The following FSTL1 variants were observed in gnomAD, a reference collection of about 807,000 sequenced individuals.
FSTL1 encodes the protein follistatin-related protein 1.
In FSTL1, 24 loss-of-function variants were observed where a neutral mutation model predicts 45.9. That is an observed-to-expected ratio of 0.52 (90% CI 0.38 to 0.74). The LOEUF (loss-of-function observed/expected upper bound fraction) is 0.74, where lower values mean the gene tolerates loss of function less well. Ranked by LOEUF, FSTL1 falls within the 30% of genes least tolerant of loss-of-function variation. The pLI is 0.00. For missense variants in FSTL1, 340 were observed against 381.8 expected, an observed-to-expected ratio of 0.89 and a Z score of 0.91; for synonymous variants, 120 against 137.6, an observed-to-expected ratio of 0.87 and a Z score of 0.89.
At chr3:120,450,176 G>A (rs1371311381) in intron 2 of FSTL1, among the ~76,000 whole-genome samples, 1 of 152,154 alleles carries the variant, frequency 6.6e-6, no homozygotes, top group African/African-American at 2.4e-5. Context: ...CACAAAACCC[G>A]AGGACACTTC....
At chr3:120,429,485 G>A (rs1937441061) in intron 2 of FSTL1, among the ~76,000 whole-genome samples, 1 of 152,218 alleles carries the variant, frequency 6.6e-6, no homozygotes, top group Non-Finnish European at 1.5e-5. Flanking sequence ...TTAATTACTA[G>A]GCTGCCTATG....
At chr3:120,437,346 C>G (rs1205699201) in intron 2 of FSTL1, among the ~76,000 whole-genome samples, 2 of 152,128 alleles carry the variant, frequency 1.3e-5, no homozygotes. Flanking sequence ...ATGACATGCA[C>G]TTATTAAATT....
Position 120,392,875 on chromosome 3 carries a change from T to C in FSTL1, c.*4077A>G, listed in dbSNP as rs1181320250. On this transcript the variant is annotated 3_prime_UTR_variant, in exon 11 of 11. Transcript: ENST00000295633. Reference sequence around the variant, plus strand: ...TTCAAGAGGACTGATGATAACTTGATAAAGAAGCTCTAAAATAAAGCTGAT... The same window carrying C: ...TTCAAGAGGACTGATGATAACTTGACAAAGAAGCTCTAAAATAAAGCTGAT... The C allele has an allele frequency of 6.6e-5, 10 of 152,048 alleles. No individual in the cohort carries two copies. The highest frequency in any genetic ancestry group is 2.2e-4 in the African/African-American group (9 of 41,300). The allele number at this position is 152,048 out of a possible 1,614,324, so 9.4% of individuals were successfully genotyped here.
At position 120,415,861 on chromosome 3, in the gene FSTL1, G is replaced by C. The variant is rs904959519; in HGVS notation, c.168+62C>G. 5.7e-6 allele frequency: 5 copies of C among 882,966 alleles called. No individual in the cohort carries two copies. The South Asian group carries it at 6.7e-5, about 12-fold the overall frequency. 54.7% of individuals were successfully genotyped at this position (882,966 alleles called of 1,614,324 possible). On this transcript the variant is annotated intron_variant, in intron 3 of 10. Coordinates refer to ENST00000295633, the MANE Select transcript of FSTL1 (RefSeq NM_007085.5). The stretch of plus-strand genomic sequence containing the variant: ...CATTGGCACTGCCTGCTGATGGGTG[G>C]CTCCGCAAGGTACCACATTGGCCTT...
rs1936706740 is a variant in FSTL1, at chr3:120,396,629, G to A, written c.*323C>T. 1 of 277,678 alleles carries A rather than the reference G, an allele frequency of 3.6e-6. No homozygotes were observed. The highest frequency in any genetic ancestry group is 2.2e-5 in the African/African-American group (1 of 44,838). 17.2% of individuals were successfully genotyped at this position (277,678 alleles called of 1,614,324 possible). On this transcript the variant is annotated 3_prime_UTR_variant, in exon 11 of 11. Coordinates refer to ENST00000295633, the MANE Select transcript of FSTL1 (RefSeq NM_007085.5). Reference sequence around the variant, plus strand: ...TCGTGTGCACTCCCTGCAGCCTGCTGACAGATGCAGTAAACTCAAAAGAGG... The same window carrying A: ...TCGTGTGCACTCCCTGCAGCCTGCTAACAGATGCAGTAAACTCAAAAGAGG...
chr3:120,436,479 C>G (rs1300267999), intron 2 of FSTL1, among the ~76,000 whole-genome samples: 1 of 152,226 alleles, frequency 6.6e-6, no homozygotes, highest in Non-Finnish European at 1.5e-5. Flanking sequence ...CTATCAAGCC[C>G]TTGGTGCCAC....
In FSTL1 at chr3:120,396,697, C is replaced by A. The variant is rs562255778; in HGVS notation, c.*255G>T. ...TCCTCTTTCAATCGTGATGCAGTTT[C>A]CTTACTAGCCTCCAGCCCCAGAGCA... On this transcript the variant is annotated 3_prime_UTR_variant, in exon 11 of 11. Transcript: ENST00000295633. 1.7e-5 allele frequency: 8 copies of A among 470,812 alleles called. No homozygotes were observed. Among genetic ancestry groups the A allele is most frequent in the Non-Finnish European group, 3.0e-5 (8 of 265,150 alleles). The allele number at this position is 470,812 out of a possible 1,614,324, so 29.2% of individuals were successfully genotyped here. A position where few individuals can be genotyped will look rare whatever the true frequency, so the allele number is the denominator to read the frequency against.
At chr3:120,414,543 T>C (rs1215515144) in intron 3 of FSTL1, among the ~76,000 whole-genome samples, 3 of 152,058 alleles carry the variant, frequency 2.0e-5, no homozygotes, top group African/African-American at 7.2e-5. Flanking sequence ...CTTTGTGGAA[T>C]AGAAAGGCGG....
chr3:120,439,550 G>T (rs373973214), intron 2 of FSTL1, among the ~76,000 whole-genome samples: 1 of 152,200 alleles, frequency 6.6e-6, no homozygotes, highest in Non-Finnish European at 1.5e-5. Flanking sequence ...ATGTAGAAAT[G>T]ACTGCCATAG....
At chr3:120,412,817 T>C (rs1287418751) in intron 3 of FSTL1, among the ~76,000 whole-genome samples, 21 of 87,682 alleles carry the variant, frequency 2.4e-4, no homozygotes, top group South Asian at 3.8e-4. Context: ...CACACACACA[T>C]GTGCGCGCGC....
chr3:120,414,717 A>T (rs36191604), intron 3 of FSTL1, among the ~76,000 whole-genome samples: 1 of 150,080 alleles, frequency 6.7e-6, no homozygotes, highest in South Asian at 2.2e-4. Context: ...TCTGAAACAT[A>T]TGCTGTGTCC....
intron 2 of FSTL1, among the ~76,000 whole-genome samples, chr3:120,449,167 T>A (rs1296549853): frequency 2.0e-5 from 3 of 152,146 alleles, no homozygotes; most frequent in Non-Finnish European, 4.4e-5. Context: ...GAGAGGTAGG[T>A]TCAGATCCTG....
chr3:120,411,249 A>G, intron 4 of FSTL1: 1 of 357,244 alleles, frequency 2.8e-6, no homozygotes, highest in Non-Finnish European at 5.2e-6. Context: ...GGTCACTGGG[A>G]TTTTGAGAAT....
Position 120,396,539 on chromosome 3 carries a change from C to T in FSTL1, c.*413G>A, listed in dbSNP as rs768226131. 37 of 163,320 alleles carry T rather than the reference C, an allele frequency of 2.3e-4. No homozygotes were observed. The highest frequency in any genetic ancestry group is 4.1e-4 in the Non-Finnish European group (31 of 75,234). 10.1% of individuals were successfully genotyped at this position (163,320 alleles called of 1,614,324 possible). On this transcript the variant is annotated 3_prime_UTR_variant, in exon 11 of 11. Transcript: ENST00000295633. Reference sequence around the variant, plus strand: ...ATGGAAAGAGGCTGGAAGCAGAGAGCGTTCCTCTCCGTGGAGCTTCCCAAA... The same window carrying T: ...ATGGAAAGAGGCTGGAAGCAGAGAGTGTTCCTCTCCGTGGAGCTTCCCAAA...
At chr3:120,406,409 T>C (rs957723508) in intron 6 of FSTL1, among the ~76,000 whole-genome samples, 2 of 151,662 alleles carry the variant, frequency 1.3e-5, no homozygotes, top group African/African-American at 2.4e-5. Flanking sequence ...ATGGAATGAG[T>C]GTAGGGAGGG....
chr3:120,405,855 C>T (rs1424067702), intron 6 of FSTL1, among the ~76,000 whole-genome samples: 2 of 152,206 alleles, frequency 1.3e-5, no homozygotes, highest in African/African-American at 4.8e-5. Flanking sequence ...TTCCAAGTTG[C>T]ATATGGCTGC....
intron 2 of FSTL1, among the ~76,000 whole-genome samples, chr3:120,431,616 A>G (rs1433018603): frequency 6.6e-6 from 1 of 152,120 alleles, no homozygotes; most frequent in Non-Finnish European, 1.5e-5. Context: ...TGAGGCCAGG[A>G]GTTTGAGACC....
Position 120,409,771 on chromosome 3 carries a change from C to T in FSTL1, c.332-109G>A, listed in dbSNP as rs73855229. The T allele has an allele frequency of 7.1e-3, 6,810 of 953,034 alleles. 120 individuals carry two copies. The highest frequency in any genetic ancestry group is 0.047 in the South Asian group (3,013 of 63,584). 59.0% of individuals were successfully genotyped at this position (953,034 alleles called of 1,614,324 possible). A position where few individuals can be genotyped will look rare whatever the true frequency, so the allele number is the denominator to read the frequency against. On this transcript the variant is annotated intron_variant, in intron 5 of 10. Transcript: ENST00000295633. ...TGCCCATGGTTCTGCATATGTCATC[C>T]CAGCAACACAGGGAGATAGGATTAG...
intron 2 of FSTL1, among the ~76,000 whole-genome samples, chr3:120,428,124 C>T (rs1305468474): frequency 6.6e-6 from 1 of 152,152 alleles, no homozygotes; most frequent in Non-Finnish European, 1.5e-5. Context: ...TTGCCTTGCT[C>T]TACCCCTCCT....
Sources: allele counts gnomAD v4.1 joint callset (sites outside exome capture counted in the v4.1 genomes callset), GRCh38; gene constraint gnomAD v4.1.1; transcripts MANE v1.5; gene names NCBI Gene and HGNC (gene_info 2026-07-23, HGNC 2026-07-21).